The following MAGI1 variants were observed in gnomAD, a reference collection of about 807,000 sequenced individuals.
MAGI1 encodes the protein membrane associated guanylate kinase, WW and PDZ domain containing 1.
A neutral mutation model predicts 139.9 loss-of-function variants in MAGI1; 58 were observed. The ratio of observed to expected loss-of-function variants is 0.41; its 90% CI spans 0.34 to 0.52. The LOEUF (loss-of-function observed/expected upper bound fraction) is 0.52, where lower values mean the gene tolerates loss of function less well. Ranked by LOEUF, MAGI1 falls within the 20% of genes least tolerant of loss-of-function variation. The pLI is 0.12. For missense variants in MAGI1, 1,874 were observed against 1,901.6 expected (o/e 0.99, Z 0.27); for synonymous variants, 812 against 737.9 (o/e 1.10, Z -1.63).
intron 12 of MAGI1, among the ~76,000 whole-genome samples, chr3:65,425,248 G>A (rs1946954211): frequency 6.6e-6 from 1 of 151,652 alleles, no homozygotes; most frequent in Non-Finnish European, 1.5e-5. Context: ...GCTTTATCAT[G>A]TGATGACTAC....
intron 2 of MAGI1, among the ~76,000 whole-genome samples, chr3:65,618,993 C>T (rs577807140): frequency 1.3e-5 from 2 of 152,188 alleles, no homozygotes; most frequent in East Asian, 3.9e-4. Context: ...AACTAACATG[C>T]CCTTTCTTCT....
At chr3:65,557,857 A>G (rs916765415) in intron 2 of MAGI1, among the ~76,000 whole-genome samples, 1 of 152,188 alleles carries the variant, frequency 6.6e-6, no homozygotes, top group African/African-American at 2.4e-5. Flanking sequence ...GTAGGGAGTT[A>G]ACATGTAACG....
chr3:65,807,701 C>T (rs2040952090), intron 1 of MAGI1, among the ~76,000 whole-genome samples: 1 of 152,168 alleles, frequency 6.6e-6, no homozygotes, highest in Non-Finnish European at 1.5e-5. Flanking sequence ...AAAGATACAA[C>T]AGATAATGTC....
In MAGI1 at chr3:65,493,546, C is replaced by G. The variant is rs773800207; in HGVS notation, c.516G>C (p.Gln172His). 6.2e-7 allele frequency: 1 copy of G among 1,614,200 alleles called. No homozygotes were observed. The highest frequency in any genetic ancestry group is 8.5e-7 in the Non-Finnish European group (1 of 1,180,030). The change falls in exon 3 of 23, where the codon CAG becomes CAC. Residue 172 changes from glutamine to histidine, a missense_variant. By Grantham distance (24) the Gln-to-His change is conservative. Coordinates refer to ENST00000402939, the MANE Select transcript of MAGI1 (RefSeq NM_001033057.2). ...LTVKEFLDLE[Q>H]SGTLLEVGTY... ...TGCCGACTTCCAGAAGAGTCCCACT[C>G]TGCTCGAGGTCCAAGAACTCCTTCA...
At chr3:65,522,459 T>C (rs934651031) in intron 2 of MAGI1, among the ~76,000 whole-genome samples, 5 of 152,132 alleles carry the variant, frequency 3.3e-5, no homozygotes, top group African/African-American at 1.2e-4. Flanking sequence ...CTCCCCTACA[T>C]AAAGCCAAGT....
At chr3:65,823,846 G>C (rs1304755256) in intron 1 of MAGI1, among the ~76,000 whole-genome samples, 1 of 152,122 alleles carries the variant, frequency 6.6e-6, no homozygotes, top group Non-Finnish European at 1.5e-5. Flanking sequence ...TTTTAACGAT[G>C]GACACACACC....
chr3:65,793,729 C>T (rs746633262), intron 1 of MAGI1, among the ~76,000 whole-genome samples: 1 of 152,200 alleles, frequency 6.6e-6, no homozygotes, highest in Non-Finnish European at 1.5e-5. Flanking sequence ...ATTTCCAGGA[C>T]AGTCTGTCCA....
chr3:65,955,221 C>T (rs1403423523), intron 1 of MAGI1, among the ~76,000 whole-genome samples: 1 of 152,182 alleles, frequency 6.6e-6, no homozygotes, highest in African/African-American at 2.4e-5. Context: ...AAAAAATAAC[C>T]TTGGCCAGGT....
Position 65,357,077 on chromosome 3 carries a change from C to T in MAGI1, c.3690G>A (p.Val1230=), listed in dbSNP as rs1414798138. ...PATGPQGVPE[V]RAGPDRRQHP... Reference sequence around the variant, plus strand: ...GCTGCCGGCGGTCGGGCCCGGCCCTCACTTCCGGAACACCTTGTGGACCGG... The same window carrying T: ...GCTGCCGGCGGTCGGGCCCGGCCCTTACTTCCGGAACACCTTGTGGACCGG... Residue 1230 remains valine (V), a synonymous_variant, in exon 23 of 23, where the codon GTG becomes GTA. Transcript: ENST00000402939. 1.9e-6 allele frequency: 3 copies of T among 1,614,160 alleles called. No homozygotes were observed. The highest frequency in any genetic ancestry group is 2.5e-6 in the Non-Finnish European group (3 of 1,180,032).
intron 2 of MAGI1, among the ~76,000 whole-genome samples, chr3:65,543,945 A>T (rs1420674680): frequency 1.3e-5 from 2 of 152,170 alleles, no homozygotes; most frequent in African/African-American, 4.8e-5. Context: ...CTATTTAAAA[A>T]GGAAAAGCCA....
At chr3:66,033,518 AACCAAACAACTCTGAAAGAC>A (rs2068754121) in intron 1 of MAGI1, among the ~76,000 whole-genome samples, 1 of 152,226 alleles carries the variant, frequency 6.6e-6, no homozygotes, top group African/African-American at 2.4e-5. Context: ...ATTCATGAGA[AACCAAACAACTCTGAAAGAC>A]AAGGCCCTGT....
chr3:65,448,260 A>T lies in MAGI1; in HGVS notation c.1043-203T>A. 3 of 601,318 alleles carry T rather than the reference A, an allele frequency of 5.0e-6. No homozygotes were observed. In the South Asian group the frequency reaches 6.0e-5, roughly 12 times the overall value. The allele number at this position is 601,318 out of a possible 1,614,324, so 37.2% of individuals were successfully genotyped here. A position where few individuals can be genotyped will look rare whatever the true frequency, so the allele number is the denominator to read the frequency against. On this transcript the variant is annotated intron_variant, in intron 6 of 22. Coordinates refer to ENST00000402939, the MANE Select transcript of MAGI1 (RefSeq NM_001033057.2). ...AAATCACAAAACGGGAAGAGCTGAT[A>T]TTGGCAAAATAATTACATGGCTCAT... is the stretch of plus-strand genomic sequence containing the variant.
In MAGI1 at chr3:66,038,889, A is replaced by G. The variant is rs999588484; in HGVS notation, c.-581T>C. On this transcript the variant is annotated 5_prime_UTR_variant, in exon 1 of 23. Transcript: ENST00000402939. ...CATTCTATTCCGCGCCGCGGAGCGC[A>G]GCGGCCGGCGACAGGAGACGCGCGC... is the stretch of plus-strand genomic sequence containing the variant. 3.9e-5 allele frequency: 6 copies of G among 152,034 alleles called. No homozygotes were observed. The highest frequency in any genetic ancestry group is 6.5e-5 in the Admixed American group (1 of 15,270). The allele number at this position is 152,034 out of a possible 1,614,324, so 9.4% of individuals were successfully genotyped here.
chr3:65,502,395 C>CATAACT (rs1553655130), intron 2 of MAGI1, among the ~76,000 whole-genome samples: 4 of 151,324 alleles, frequency 2.6e-5, no homozygotes, highest in Admixed American at 6.6e-5. Flanking sequence ...TTCTGCTTAG[C>CATAACT]ATAAGGATTT....
At chr3:65,684,299 A>G (rs896577543) in intron 1 of MAGI1, among the ~76,000 whole-genome samples, 2 of 152,220 alleles carry the variant, frequency 1.3e-5, no homozygotes, top group Non-Finnish European at 2.9e-5. Flanking sequence ...CCAGTATGCC[A>G]GCATTCATAA....
chr3:65,802,104 A>C (rs2040550575), intron 1 of MAGI1, among the ~76,000 whole-genome samples: 1 of 152,080 alleles, frequency 6.6e-6, no homozygotes, highest in Non-Finnish European at 1.5e-5. Flanking sequence ...GGAAAATTTG[A>C]CTTCCATGAA....
At chr3:65,815,572 A>C (rs2041546823) in intron 1 of MAGI1, among the ~76,000 whole-genome samples, 1 of 152,222 alleles carries the variant, frequency 6.6e-6, no homozygotes, top group Non-Finnish European at 1.5e-5. Context: ...AAAATCCATG[A>C]AGTCAAATCA....
In MAGI1 at chr3:65,807,730, GCCGCCACCAGA is replaced by G. The variant is rs1406017360; in HGVS notation, c.314-185653_314-185643del. Among the ~76,000 whole-genome samples, 5 of 152,144 alleles carry G rather than the reference GCCGCCACCAGA, an allele frequency of 3.3e-5. No individual in the cohort carries two copies. The East Asian group carries it at 7.7e-4, about 23-fold the overall frequency. On this transcript the variant is annotated intron_variant, in intron 1 of 22. Coordinates refer to ENST00000402939, the MANE Select transcript of MAGI1 (RefSeq NM_001033057.2). ...TAATGTCTGGTAGTGAGTGAAGTAG[GCCGCCACCAGA>G]CTGCAAATGCTCATCTTCCCTATTA...
chr3:65,617,229 G>A (rs1160141417), intron 2 of MAGI1, among the ~76,000 whole-genome samples: 3 of 152,190 alleles, frequency 2.0e-5, no homozygotes, highest in East Asian at 1.9e-4. Context: ...GTGTTAAGCT[G>A]CAGAACAAAA....
Sources: allele counts gnomAD v4.1 joint callset (sites outside exome capture counted in the v4.1 genomes callset), GRCh38; gene constraint gnomAD v4.1.1; transcripts MANE v1.5; gene names NCBI Gene and HGNC (gene_info 2026-07-23, HGNC 2026-07-21).